The following ASIC2 variants were observed in gnomAD, a reference collection of about 807,000 sequenced individuals.
The protein encoded by ASIC2 is acid sensing ion channel subunit 2, also known as acid-sensing ion channel 2.
Under a neutral mutation model 57.3 loss-of-function variants are expected in ASIC2, and 25 were observed. The ratio of observed to expected loss-of-function variants is 0.44; its 90% confidence interval spans 0.32 to 0.61. The LOEUF is 0.61. Among genes scored for constraint, ASIC2 ranks in the 20% least tolerant of loss-of-function variants. ASIC2 has a pLI of 0.06. For synonymous variants in ASIC2, 319 were observed against 307.5 expected (o/e 1.04, Z -0.39); for missense variants, 641 against 738.1 (o/e 0.87, Z 1.52).
chr17:33,300,202 A>G (rs1048617979), intron 1 of ASIC2, among the ~76,000 whole-genome samples: 5 of 152,216 alleles, frequency 3.3e-5, no homozygotes, highest in African/African-American at 1.2e-4. Flanking sequence ...ATACTTTATG[A>G]ATATACATAA....
intron 1 of ASIC2, among the ~76,000 whole-genome samples, chr17:33,144,821 C>T (rs182739258): frequency 2.0e-5 from 3 of 152,260 alleles, no homozygotes; most frequent in Admixed American, 6.5e-5. Context: ...TACCTAGACC[C>T]CTACCCTTCC....
chr17:33,658,630 G>A lies in ASIC2; in HGVS notation c.555+497348C>T, dbSNP rs140304110. ...CTTCTTGTTGTGTCTGCACACGGTG[G>A]AAGGGGCAAAAGGGCTCCCTCAAGT... On this transcript the variant is annotated intron_variant, in intron 1 of 9. Transcript: ENST00000359872. Among the ~76,000 whole-genome samples the A allele has an allele frequency of 3.2e-3, 493 of 152,290 alleles. 1 individual carries two copies. The highest frequency in any genetic ancestry group is 4.6e-3 in the Non-Finnish European group (315 of 68,020).
chr17:33,583,735 A>C (rs1904520044), intron 1 of ASIC2, among the ~76,000 whole-genome samples: 1 of 152,232 alleles, frequency 6.6e-6, no homozygotes, highest in South Asian at 2.1e-4. Flanking sequence ...CATAGCACCG[A>C]ACATACCAAT....
chr17:33,668,693 C>T (rs979051223), intron 1 of ASIC2, among the ~76,000 whole-genome samples: 3 of 152,090 alleles, frequency 2.0e-5, no homozygotes, highest in Non-Finnish European at 4.4e-5. Context: ...TTTAAGAGGC[C>T]CTTATTCTGC....
Position 33,353,410 on chromosome 17 carries a change from C to T in ASIC2, c.556-241343G>A, listed in dbSNP as rs533151591. ...GGAGTGCAGTGGTGCAATCACTGCT[C>T]ACTGCACCCTTGATCTGGGTTCAAG... On this transcript the variant is annotated intron_variant, in intron 1 of 9. Transcript: ENST00000359872. Among the ~76,000 whole-genome samples the T allele has an allele frequency of 5.3e-5, 8 of 152,254 alleles. No individual in the cohort carries two copies. The East Asian group carries it at 1.5e-3, about 29-fold the overall frequency.
intron 1 of ASIC2, among the ~76,000 whole-genome samples, chr17:33,522,715 CTTTGAAAATCCAAGTGT>C (rs1261584887): frequency 6.6e-6 from 1 of 152,196 alleles, no homozygotes; most frequent in Non-Finnish European, 1.5e-5. Flanking sequence ...TAGATTATAA[CTTTGAAAATCCAAGTGT>C]TTTGAAAATC....
chr17:33,499,621 C>T (rs1459092445), intron 1 of ASIC2, among the ~76,000 whole-genome samples: 1 of 152,232 alleles, frequency 6.6e-6, no homozygotes, highest in Non-Finnish European at 1.5e-5. Context: ...TGAAGCCACC[C>T]AGTCTGTGGT....
chr17:33,166,375 A>T (rs1464555812), intron 1 of ASIC2, among the ~76,000 whole-genome samples: 3 of 152,236 alleles, frequency 2.0e-5, no homozygotes, highest in Non-Finnish European at 4.4e-5. Flanking sequence ...GAAAAAGTCT[A>T]TGAACAGAGA....
intron 1 of ASIC2, among the ~76,000 whole-genome samples, chr17:33,781,722 C>G (rs1911459905): frequency 6.6e-6 from 1 of 152,142 alleles, no homozygotes; most frequent in African/African-American, 2.4e-5. Context: ...CCACCGCTGA[C>G]AGTCTTTGCT....
Position 33,328,967 on chromosome 17 carries a change from C to T in ASIC2, c.556-216900G>A, listed in dbSNP as rs77360302. On this transcript the variant is annotated intron_variant, in intron 1 of 9. Transcript: ENST00000359872. ...CTATATTTTTCCCCTTTCCTGGATC[C>T]GGAGATGGTTCTGCTGGAAAATCTG... 1.6e-3 allele frequency among the ~76,000 whole-genome samples: 247 copies of T among 152,220 alleles called. 1 individual carries two copies. Among genetic ancestry groups the T allele is most frequent in the African/African-American group, 5.6e-3 (231 of 41,522 alleles).
intron 1 of ASIC2, among the ~76,000 whole-genome samples, chr17:33,502,701 T>G (rs1047237484): frequency 1.3e-5 from 2 of 152,220 alleles, no homozygotes. Flanking sequence ...TATTTTCCCA[T>G]GAAATCAGTT....
At chr17:33,057,583 C>T (rs2092003178) in intron 3 of ASIC2, among the ~76,000 whole-genome samples, 1 of 152,220 alleles carries the variant, frequency 6.6e-6, no homozygotes, top group South Asian at 2.1e-4. Flanking sequence ...CAGAGTCTTC[C>T]AAGGTTTTTC....
chr17:34,044,985 A>T (rs1243114058), intron 1 of ASIC2, among the ~76,000 whole-genome samples: 1 of 152,198 alleles, frequency 6.6e-6, no homozygotes, highest in East Asian at 1.9e-4. Context: ...CAGTGAGCTC[A>T]CAGTCGAACA....
intron 1 of ASIC2, among the ~76,000 whole-genome samples, chr17:33,989,705 TG>T (rs1219517007): frequency 6.6e-6 from 1 of 152,208 alleles, no homozygotes; most frequent in African/African-American, 2.4e-5. Flanking sequence ...ATGACACTGT[TG>T]TTTTTTTTCT....
In ASIC2 at chr17:33,880,612, T is replaced by C. The variant is rs576129589; in HGVS notation, c.555+275366A>G. On this transcript the variant is annotated intron_variant, in intron 1 of 9. Transcript: ENST00000359872. ...ACAGGCTCTGAAATTGAGGGAATAATTAATAGCTTACCAACCAAAAAAAGT... is the reference window on the plus strand; with the variant it reads ...ACAGGCTCTGAAATTGAGGGAATAACTAATAGCTTACCAACCAAAAAAAGT... 5.5e-3 allele frequency among the ~76,000 whole-genome samples: 831 copies of C among 152,276 alleles called. 4 individuals carry two copies. Among genetic ancestry groups the C allele is most frequent in the Middle Eastern group, 6.8e-3 (2 of 294 alleles).
At chr17:33,622,860 A>G (rs1905844248) in intron 1 of ASIC2, among the ~76,000 whole-genome samples, 2 of 152,252 alleles carry the variant, frequency 1.3e-5, no homozygotes, top group South Asian at 4.1e-4. Context: ...ATTTAACAAA[A>G]TTAAGAGAAC....
At chr17:33,574,135 G>T (rs373330690) in intron 1 of ASIC2, among the ~76,000 whole-genome samples, 1 of 152,266 alleles carries the variant, frequency 6.6e-6, no homozygotes, top group African/African-American at 2.4e-5. Flanking sequence ...AAATAATACC[G>T]AACTGCTCTT....
intron 1 of ASIC2, among the ~76,000 whole-genome samples, chr17:33,562,075 AGTT>A (rs965538891): frequency 2.0e-5 from 3 of 152,206 alleles, no homozygotes; most frequent in East Asian, 1.9e-4. Flanking sequence ...AGTCAGTGGC[AGTT>A]GTTGTTCTCA....
At chr17:33,712,883 G>T (rs1909096173) in intron 1 of ASIC2, among the ~76,000 whole-genome samples, 1 of 151,862 alleles carries the variant, frequency 6.6e-6, no homozygotes, top group Non-Finnish European at 1.5e-5. Flanking sequence ...CTGACCTCGT[G>T]ATCCGCCCGC....
Sources: gnomAD v4.1 joint callset for allele counts (sites outside exome capture counted in the v4.1 genomes callset) on GRCh38, gnomAD v4.1.1 for gene constraint, MANE v1.5 for transcripts, NCBI Gene and HGNC (gene_info 2026-07-23, HGNC 2026-07-21) for gene names.